Variants in SLC35F4 observed in about 807,000 individuals in gnomAD.
The protein encoded by SLC35F4 is solute carrier family 35 member F4.
A neutral mutation model predicts 44.2 loss-of-function variants in SLC35F4; 24 were observed. That is an observed-to-expected ratio of 0.54 (90% CI 0.39 to 0.76). The LOEUF is 0.76. SLC35F4 is among the 30% of genes least tolerant of loss of function. SLC35F4 has a pLI of 0.00. For synonymous variants in SLC35F4, 238 were observed against 223.6 expected (o/e 1.06, Z -0.57); for missense variants, 562 against 586.1 (o/e 0.96, Z 0.42).
downstream of SLC35F4, among the ~76,000 whole-genome samples, chr14:57,973,211 CT>C (rs1241491353): frequency 6.6e-6 from 1 of 152,134 alleles, no homozygotes; most frequent in Non-Finnish European, 1.5e-5. Context: ...GGTGGTGATA[CT>C]TTCTTTTTCA....
At chr14:57,933,845 T>A (rs748518226) in intron 1 of SLC35F4, among the ~76,000 whole-genome samples, 4 of 152,260 alleles carry the variant, frequency 2.6e-5, no homozygotes, top group Non-Finnish European at 5.9e-5. Context: ...GCACCAATTA[T>A]CTTTCATTGA....
intron 1 of SLC35F4, among the ~76,000 whole-genome samples, chr14:57,616,829 C>T (rs555915012): frequency 6.6e-6 from 1 of 152,246 alleles, no homozygotes; most frequent in East Asian, 1.9e-4. Flanking sequence ...CCCCTTTGTT[C>T]ATCCCTTGAC....
At chr14:57,898,246 G>T (rs1888925812) in intron 1 of SLC35F4, among the ~76,000 whole-genome samples, 2 of 152,150 alleles carry the variant, frequency 1.3e-5, no homozygotes, top group Admixed American at 6.5e-5. Context: ...ACAAAATTAG[G>T]CATATCTGAT....
chr14:57,573,648 G>A (rs970152797), intron 4 of SLC35F4, among the ~76,000 whole-genome samples: 5 of 151,976 alleles, frequency 3.3e-5, no homozygotes, highest in African/African-American at 9.7e-5. Context: ...TTCTATGAGG[G>A]TTATCATTTT....
intron 1 of SLC35F4, among the ~76,000 whole-genome samples, chr14:57,702,989 A>G (rs371903770): frequency 6.6e-4 from 100 of 152,274 alleles, no homozygotes; most frequent in African/African-American, 2.0e-3. Flanking sequence ...ATACACACAT[A>G]TTCTTTATAT....
At chr14:57,622,742 C>T (rs919185481) in intron 1 of SLC35F4, among the ~76,000 whole-genome samples, 17 of 151,852 alleles carry the variant, frequency 1.1e-4, no homozygotes, top group Admixed American at 3.9e-4. Flanking sequence ...GTGGGTGCAG[C>T]GCACCAGCAT....
chr14:57,633,539 C>T (rs2072883822), intron 1 of SLC35F4, among the ~76,000 whole-genome samples: 1 of 152,096 alleles, frequency 6.6e-6, no homozygotes, highest in African/African-American at 2.4e-5. Flanking sequence ...TTTAGACTCA[C>T]ATAAAAGTTG....
chr14:57,857,011 C>T (rs897450653), intron 1 of SLC35F4, among the ~76,000 whole-genome samples: 16 of 152,108 alleles, frequency 1.1e-4, no homozygotes, highest in Non-Finnish European at 2.2e-4. Flanking sequence ...CACGGTGGCT[C>T]ACGCCTGTAA....
chr14:57,925,316 T>C (rs1047571245), intron 1 of SLC35F4, among the ~76,000 whole-genome samples: 3 of 152,126 alleles, frequency 2.0e-5, no homozygotes, highest in African/African-American at 7.2e-5. Context: ...TGTTTGTTTT[T>C]CACATACATT....
At chr14:57,703,562 G>T (rs767295460) in intron 1 of SLC35F4, among the ~76,000 whole-genome samples, 2 of 152,156 alleles carry the variant, frequency 1.3e-5, no homozygotes, top group African/African-American at 2.4e-5. Context: ...TTATGAACAG[G>T]GCTAAGCCAA....
At chr14:57,686,925 T>C (rs1442215240) in intron 1 of SLC35F4, among the ~76,000 whole-genome samples, 1 of 151,904 alleles carries the variant, frequency 6.6e-6, no homozygotes, top group Non-Finnish European at 1.5e-5. Context: ...AATGTGATAG[T>C]ATTTAGAGAT....
chr14:57,748,374 T>C (rs1260783840), intron 1 of SLC35F4, among the ~76,000 whole-genome samples: 6 of 152,146 alleles, frequency 3.9e-5, no homozygotes, highest in South Asian at 2.1e-4. Context: ...AGTCAAGATA[T>C]AGAACAGTTT....
chr14:57,589,128 T>C (rs778892701), intron 3 of SLC35F4, 88 bp downstream of exon 3: 62 of 1,427,550 alleles, frequency 4.3e-5, no homozygotes, highest in Non-Finnish European at 5.3e-5. Context: ...CCCAAAAAAC[T>C]CAACTCATAT....
At chr14:57,663,548 AT>A (rs2140243485) in intron 1 of SLC35F4, among the ~76,000 whole-genome samples, 1 of 152,332 alleles carries the variant, frequency 6.6e-6, no homozygotes, top group South Asian at 2.1e-4. Context: ...ATTTGTCTTT[AT>A]AGCACAGAGA....
intron 1 of SLC35F4, among the ~76,000 whole-genome samples, chr14:57,672,129 C>G (rs2074541707): frequency 6.6e-6 from 1 of 152,012 alleles, no homozygotes; most frequent in Non-Finnish European, 1.5e-5. Context: ...TAGAACATAT[C>G]AAGAACATTT....
chr14:57,775,235 C>G (rs531124164), intron 1 of SLC35F4, among the ~76,000 whole-genome samples: 1 of 152,246 alleles, frequency 6.6e-6, no homozygotes, highest in Non-Finnish European at 1.5e-5. Flanking sequence ...CTGGGAACAC[C>G]TGCATGGAGG....
At chr14:57,761,738 A>C (rs185845446) in intron 1 of SLC35F4, among the ~76,000 whole-genome samples, 9 of 152,216 alleles carry the variant, frequency 5.9e-5, no homozygotes, top group African/African-American at 2.2e-4. Flanking sequence ...TAAAGCATAA[A>C]ATTGATTTAA....
At chr14:57,890,569 T>G (rs1396232430) in intron 1 of SLC35F4, among the ~76,000 whole-genome samples, 2 of 150,104 alleles carry the variant, frequency 1.3e-5, no homozygotes, top group Non-Finnish European at 3.0e-5. Context: ...TGGAGCTTCC[T>G]CTATCAATAT....
At chr14:57,692,188 C>T (rs572090975) in intron 1 of SLC35F4, among the ~76,000 whole-genome samples, 1 of 152,228 alleles carries the variant, frequency 6.6e-6, no homozygotes, top group African/African-American at 2.4e-5. Flanking sequence ...TATTCCCAAT[C>T]GAAGCTCCTA....
Sources: gnomAD v4.1 joint callset for allele counts (sites outside exome capture counted in the v4.1 genomes callset) on GRCh38, gnomAD v4.1.1 for gene constraint, MANE v1.5 for transcripts, NCBI Gene and HGNC (gene_info 2026-07-23, HGNC 2026-07-21) for gene names.